The following LRRTM4 variants were observed in gnomAD, a reference collection of about 807,000 sequenced individuals.
LRRTM4 encodes leucine-rich repeat transmembrane neuronal protein 4.
Under a neutral mutation model 47.6 loss-of-function variants are expected in LRRTM4, and 25 were observed. The observed-to-expected ratio is 0.53, with a 90% CI of 0.38 to 0.73. LRRTM4 has a LOEUF of 0.73. Ranked by LOEUF, LRRTM4 falls within the 30% of genes least tolerant of loss-of-function variation. The pLI is 0.00. For missense variants in LRRTM4, 638 were observed against 713.4 expected, an observed-to-expected ratio of 0.89 and a Z score of 1.20; for synonymous variants, 311 against 269.5, an observed-to-expected ratio of 1.15 and a Z score of -1.51.
chr2:76,890,233 G>A (rs533994433), intron 3 of LRRTM4, among the ~76,000 whole-genome samples: 15 of 151,964 alleles, frequency 9.9e-5, no homozygotes, highest in Non-Finnish European at 1.9e-4. Flanking sequence ...CTAGCACTGA[G>A]TGTGAATTAG....
intron 3 of LRRTM4, among the ~76,000 whole-genome samples, chr2:76,860,148 T>C (rs10167642): frequency 0.017 from 2,570 of 152,224 alleles, 60 homozygotes; most frequent in African/African-American, 0.059. Flanking sequence ...ACATACAATA[T>C]ATTCTAATGA....
rs189826535 is a variant in LRRTM4, at chr2:77,141,430, T to C, written c.1551+376888A>G. The stretch of plus-strand genomic sequence containing the variant: ...GGTGGGAATTGAACAATGAGAACAC[T>C]TGGACACAGGAGGGGGAACATCACA... On this transcript the variant is annotated intron_variant, in intron 3 of 3. Transcript: ENST00000409884. Among the ~76,000 whole-genome samples the C allele has an allele frequency of 6.1e-3, 842 of 138,190 alleles. 10 individuals are homozygous for C. The highest frequency in any genetic ancestry group is 0.021 in the African/African-American group (757 of 36,738). The allele number at this position is 138,190 out of a possible 152,430, so 90.7% of individuals were successfully genotyped here.
chr2:76,945,402 T>C (rs776810882), intron 3 of LRRTM4, among the ~76,000 whole-genome samples: 43 of 152,006 alleles, frequency 2.8e-4, no homozygotes, highest in Non-Finnish European at 4.0e-4. Context: ...TTTTAGCAGA[T>C]TGAAAATGGC....
intron 3 of LRRTM4, among the ~76,000 whole-genome samples, chr2:77,153,511 A>T (rs564414180): frequency 6.6e-6 from 1 of 152,346 alleles, no homozygotes; most frequent in East Asian, 1.9e-4. Flanking sequence ...TACAGTTATT[A>T]CCATGAAAAG....
chr2:77,119,651 T>A (rs1403783000), intron 3 of LRRTM4, among the ~76,000 whole-genome samples: 1 of 151,826 alleles, frequency 6.6e-6, no homozygotes, highest in African/African-American at 2.4e-5. Flanking sequence ...CAAATTCAAA[T>A]GATAACAAAA....
chr2:77,350,820 C>T (rs766926236), intron 3 of LRRTM4, among the ~76,000 whole-genome samples: 4 of 152,058 alleles, frequency 2.6e-5, no homozygotes, highest in Non-Finnish European at 5.9e-5. Flanking sequence ...TCTGACTCAC[C>T]AGTACTCAGA....
chr2:77,221,193 C>G (rs1423592378), intron 3 of LRRTM4, among the ~76,000 whole-genome samples: 5 of 152,168 alleles, frequency 3.3e-5, no homozygotes, highest in Non-Finnish European at 5.9e-5. Context: ...CCTAAAAGAG[C>G]TCCTGAAGGA....
At chr2:77,306,897 ATTT>A (rs774697360) in intron 3 of LRRTM4, among the ~76,000 whole-genome samples, 3 of 112,408 alleles carry the variant, frequency 2.7e-5, no homozygotes, top group African/African-American at 4.3e-5. Context: ...GCTTTTCCAT[ATTT>A]TTTTTTTTTT....
chr2:76,924,605 G>T (rs1674530931), intron 3 of LRRTM4, among the ~76,000 whole-genome samples: 1 of 151,334 alleles, frequency 6.6e-6, no homozygotes, highest in Non-Finnish European at 1.5e-5. Context: ...TTTTAAAAAT[G>T]CACATTAGTC....
intron 3 of LRRTM4, among the ~76,000 whole-genome samples, chr2:77,505,084 TTTTA>T (rs1184187887): frequency 6.6e-6 from 1 of 151,224 alleles, no homozygotes; most frequent in Non-Finnish European, 1.5e-5. Flanking sequence ...TAAGATCTCT[TTTTA>T]TTTAAGAGAT....
At chr2:77,389,401 A>C (rs1673414440) in intron 3 of LRRTM4, among the ~76,000 whole-genome samples, 1 of 152,128 alleles carries the variant, frequency 6.6e-6, no homozygotes, top group African/African-American at 2.4e-5. Flanking sequence ...AAGCTAAATA[A>C]GTTTTGTGAT....
intron 3 of LRRTM4, among the ~76,000 whole-genome samples, chr2:77,042,818 C>A (rs1353563253): frequency 1.3e-5 from 2 of 151,830 alleles, no homozygotes; most frequent in Admixed American, 1.3e-4. Flanking sequence ...CTCCTTTTTA[C>A]CTCCTCAACC....
In LRRTM4 at chr2:77,174,796, C is replaced by G. The variant is rs1045949666; in HGVS notation, c.1551+343522G>C. Among the ~76,000 whole-genome samples, 12 of 152,138 alleles carry G rather than the reference C, an allele frequency of 7.9e-5. No individual in the cohort carries two copies. In the South Asian group the frequency reaches 2.1e-3, roughly 26 times the overall value. ...TATCACCTAATGCTATCCCTCCCCC[C>G]TCGCCCCACCCCACAACAGGCCCTG... On this transcript the variant is annotated intron_variant, in intron 3 of 3. Coordinates refer to ENST00000409884, the MANE Select transcript of LRRTM4 (RefSeq NM_001134745.3).
At chr2:77,147,260 T>C (rs1672283694) in intron 3 of LRRTM4, among the ~76,000 whole-genome samples, 1 of 152,210 alleles carries the variant, frequency 6.6e-6, no homozygotes, top group Non-Finnish European at 1.5e-5. Flanking sequence ...TTGATGCAGA[T>C]ATAAACCTCC....
At chr2:77,240,879 T>C (rs1458748423) in intron 3 of LRRTM4, among the ~76,000 whole-genome samples, 1 of 151,796 alleles carries the variant, frequency 6.6e-6, no homozygotes, top group Non-Finnish European at 1.5e-5. Flanking sequence ...TGCTGAATAA[T>C]AAAAAACAAT....
chr2:77,258,778 C>T (rs1015913427), intron 3 of LRRTM4, among the ~76,000 whole-genome samples: 27 of 151,386 alleles, frequency 1.8e-4, no homozygotes, highest in African/African-American at 5.1e-4. Context: ...ATACAAGTTC[C>T]GCAACTCAAA....
intron 3 of LRRTM4, among the ~76,000 whole-genome samples, chr2:76,915,851 T>A (rs1431301373): frequency 6.6e-6 from 1 of 152,164 alleles, no homozygotes; most frequent in African/African-American, 2.4e-5. Context: ...ATATTCAATA[T>A]CATTCTACTT....
At chr2:77,182,322 C>G (rs1296285506) in intron 3 of LRRTM4, among the ~76,000 whole-genome samples, 1 of 151,968 alleles carries the variant, frequency 6.6e-6, no homozygotes, top group Non-Finnish European at 1.5e-5. Flanking sequence ...AAGACAGGAA[C>G]AGAAAAGCAA....
chr2:77,117,251 T>C (rs1447994894), intron 3 of LRRTM4, among the ~76,000 whole-genome samples: 1 of 152,032 alleles, frequency 6.6e-6, no homozygotes, highest in Non-Finnish European at 1.5e-5. Flanking sequence ...TCTATAATTG[T>C]AATTAACAAA....
Sources: gnomAD v4.1 joint callset for allele counts (sites outside exome capture counted in the v4.1 genomes callset) on GRCh38, gnomAD v4.1.1 for gene constraint, MANE v1.5 for transcripts, NCBI Gene and HGNC (gene_info 2026-07-23, HGNC 2026-07-21) for gene names.